The following NOS1AP variants were observed in gnomAD, a reference collection of about 807,000 sequenced individuals.
NOS1AP encodes carboxyl-terminal PDZ ligand of neuronal nitric oxide synthase protein.
In NOS1AP, 21 loss-of-function variants were observed where a neutral mutation model predicts 56.2. The ratio of observed to expected loss-of-function variants is 0.37; its 90% confidence interval spans 0.26 to 0.54. NOS1AP has a LOEUF of 0.54. Ranked by LOEUF, NOS1AP falls within the 20% of genes least tolerant of loss-of-function variation. The pLI, the probability that NOS1AP is intolerant of heterozygous loss-of-function variation, is 0.84. For synonymous variants in NOS1AP, 270 were observed against 274.6 expected (o/e 0.98, Z 0.17); for missense variants, 522 against 657.8 (o/e 0.79, Z 2.26).
intron 2 of NOS1AP, among the ~76,000 whole-genome samples, chr1:162,241,858 G>A (rs1208456699): frequency 6.6e-6 from 1 of 152,186 alleles, no homozygotes; most frequent in African/African-American, 2.4e-5. Flanking sequence ...GCTGCATGGT[G>A]CCATCTCTAG....
chr1:162,364,984 GC>G lies in NOS1AP; in HGVS notation c.940-415del, dbSNP rs540766038. ...TTAGAAGACAGGATGAGAAGAGAGT[GC>G]CCCCTTCCACCTCCAACATGGCATG... On this transcript the variant is annotated intron_variant, in intron 8 of 9. Transcript: ENST00000361897. 145 of 1,055,576 alleles carry G rather than the reference GC, an allele frequency of 1.4e-4. No individual in the cohort carries two copies. The African/African-American group carries it at 2.4e-3, about 17-fold the overall frequency. 65.4% of individuals were successfully genotyped at this position (1,055,576 alleles called of 1,614,324 possible). A position where few individuals can be genotyped will look rare whatever the true frequency, so the allele number is the denominator to read the frequency against.
At chr1:162,273,839 A>G (rs1424190267) in intron 2 of NOS1AP, among the ~76,000 whole-genome samples, 1 of 152,162 alleles carries the variant, frequency 6.6e-6, no homozygotes, top group Non-Finnish European at 1.5e-5. Flanking sequence ...TTTGTTTTAC[A>G]TTTCAACCAA....
chr1:162,357,348 T>G (rs898855454), intron 8 of NOS1AP, among the ~76,000 whole-genome samples: 1 of 152,186 alleles, frequency 6.6e-6, no homozygotes, highest in Non-Finnish European at 1.5e-5. Flanking sequence ...TGGTTTCCCA[T>G]GTATCCCCTG....
At chr1:162,175,891 T>C (rs534922637) in intron 2 of NOS1AP, among the ~76,000 whole-genome samples, 1 of 152,342 alleles carries the variant, frequency 6.6e-6, no homozygotes, top group South Asian at 2.1e-4. Flanking sequence ...ACCACCCATT[T>C]GCTTAATTGT....
intron 2 of NOS1AP, among the ~76,000 whole-genome samples, chr1:162,215,620 C>T (rs1415756483): frequency 1.3e-5 from 2 of 152,146 alleles, no homozygotes; most frequent in Non-Finnish European, 2.9e-5. Context: ...GCTTGAGGAC[C>T]CAGCTCTGTC....
chr1:162,351,475 C>T (rs1657493859), intron 6 of NOS1AP, among the ~76,000 whole-genome samples: 1 of 152,208 alleles, frequency 6.6e-6, no homozygotes, highest in South Asian at 2.1e-4. Context: ...AGGGCTACTT[C>T]ACCATTCAGC....
At chr1:162,286,677 AAC>A (rs1360264824) in intron 2 of NOS1AP, among the ~76,000 whole-genome samples, 1 of 152,222 alleles carries the variant, frequency 6.6e-6, no homozygotes, top group Non-Finnish European at 1.5e-5. Context: ...AAGAGTTCAA[AAC>A]ACAGGGGTTG....
chr1:162,146,441 C>T (rs1558121578), intron 1 of NOS1AP, among the ~76,000 whole-genome samples: 3 of 152,212 alleles, frequency 2.0e-5, no homozygotes, highest in South Asian at 2.1e-4. Context: ...TGGAGGCTTC[C>T]CCTCTGTGAC....
At chr1:162,262,399 G>C (rs1035474649) in intron 2 of NOS1AP, among the ~76,000 whole-genome samples, 2 of 152,154 alleles carry the variant, frequency 1.3e-5, no homozygotes, top group Non-Finnish European at 2.9e-5. Context: ...GATGCTGGAG[G>C]TTCTCACAGA....
chr1:162,142,950 T>G (rs2102077349), intron 1 of NOS1AP, among the ~76,000 whole-genome samples: 1 of 152,298 alleles, frequency 6.6e-6, no homozygotes, highest in Middle Eastern at 3.4e-3. Context: ...ATCTGGAAAT[T>G]TTACTCATTT....
chr1:162,081,742 A>ATC (rs1570993714), intron 1 of NOS1AP, among the ~76,000 whole-genome samples: 1 of 92,212 alleles, frequency 1.1e-5, no homozygotes, highest in East Asian at 2.6e-4. Flanking sequence ...ATATATCTAT[A>ATC]TCTATATCTA....
intron 4 of NOS1AP, among the ~76,000 whole-genome samples, chr1:162,306,140 G>T (rs1447473659): frequency 6.6e-6 from 1 of 152,150 alleles, no homozygotes; most frequent in Non-Finnish European, 1.5e-5. Flanking sequence ...CCTGGTGTGG[G>T]TTATGAGTCA....
chr1:162,273,940 T>C (rs1375150528), intron 2 of NOS1AP, among the ~76,000 whole-genome samples: 2 of 152,208 alleles, frequency 1.3e-5, no homozygotes, highest in Non-Finnish European at 2.9e-5. Flanking sequence ...TATATGGATA[T>C]ACCACAATTT....
chr1:162,320,140 G>T (rs1456153366), intron 4 of NOS1AP, among the ~76,000 whole-genome samples: 1 of 152,162 alleles, frequency 6.6e-6, no homozygotes, highest in African/African-American at 2.4e-5. Context: ...CCAATATGGG[G>T]CCAAGGGGGG....
intron 2 of NOS1AP, among the ~76,000 whole-genome samples, chr1:162,283,782 T>G (rs1655009894): frequency 6.6e-6 from 1 of 152,156 alleles, no homozygotes; most frequent in Non-Finnish European, 1.5e-5. Flanking sequence ...CCCTGAAAGG[T>G]CAAGTCCTGT....
chr1:162,080,700 C>A (rs1691865964), intron 1 of NOS1AP, among the ~76,000 whole-genome samples: 2 of 152,312 alleles, frequency 1.3e-5, no homozygotes, highest in Non-Finnish European at 2.9e-5. Context: ...TCTGTGTGTG[C>A]ATTGCTTGTC....
At chr1:162,263,900 T>C (rs909801570) in intron 2 of NOS1AP, among the ~76,000 whole-genome samples, 1 of 152,214 alleles carries the variant, frequency 6.6e-6, no homozygotes, top group Non-Finnish European at 1.5e-5. Flanking sequence ...AACCTCCCCA[T>C]TGACTTTTCA....
intron 8 of NOS1AP, chr1:162,365,001 A>G: frequency 9.4e-7 from 1 of 1,063,166 alleles, no homozygotes; most frequent in Non-Finnish European, 1.1e-6. Flanking sequence ...TCCACCTCCA[A>G]CATGGCATGC....
intron 2 of NOS1AP, among the ~76,000 whole-genome samples, chr1:162,265,344 C>T (rs575867546): frequency 1.3e-5 from 2 of 151,576 alleles, no homozygotes; most frequent in South Asian, 4.2e-4. Context: ...CATCATTTAG[C>T]ATTAGGTATA....
Sources: allele counts gnomAD v4.1 joint callset (sites outside exome capture counted in the v4.1 genomes callset), GRCh38; gene constraint gnomAD v4.1.1; transcripts MANE v1.5; gene names NCBI Gene and HGNC (gene_info 2026-07-23, HGNC 2026-07-21).